BUD13: variants seen among roughly 807,000 people sequenced by gnomAD.
The protein encoded by BUD13 is BUD13 spliceosome associated protein, also known as BUD13 homolog.
BUD13 carries 47 observed loss-of-function variants against 62.5 expected under a neutral mutation model. The ratio of observed to expected loss-of-function variants is 0.75; its 90% confidence interval spans 0.60 to 0.96. BUD13 has a LOEUF of 0.96. BUD13 is among the 40% of genes least tolerant of loss of function. The pLI is 0.00. For synonymous variants in BUD13, 293 were observed against 280.1 expected (o/e 1.05, Z -0.46); for missense variants, 821 against 790.9 (o/e 1.04, Z -0.46).
rs368417075 is a variant in BUD13 at position 116,755,814 on chromosome 11, GAATA to G, written c.1766+1328_1766+1331del. Among the ~76,000 whole-genome samples the G allele has an allele frequency of 1.9e-3, 294 of 151,660 alleles. 1 individual carries two copies. Among genetic ancestry groups the G allele is most frequent in the Middle Eastern group, 3.4e-3 (1 of 292 alleles). On this transcript the variant is annotated intron_variant, in intron 9 of 9. Transcript: ENST00000260210. ...ATAATTAGTTTATTTTTTTTTGAAT[GAATA>G]AATACTTTTTAAATGTCTGAGTTTT...
chr11:116,764,630 T>A (rs1482536997), intron 3 of BUD13, among the ~76,000 whole-genome samples: 1 of 152,148 alleles, frequency 6.6e-6, no homozygotes, highest in African/African-American at 2.4e-5. Context: ...AAGATTCTCT[T>A]TGGAAAAGAA....
At chr11:116,750,506 A>G (rs180332) in intron 9 of BUD13, among the ~76,000 whole-genome samples, 2,151 of 152,244 alleles carry the variant, frequency 0.014, 47 homozygotes, top group African/African-American at 0.048. Flanking sequence ...CTTGTTGCCA[A>G]ATCCAATGAC....
At chr11:116,753,023 G>C (rs1175989227) in intron 9 of BUD13, among the ~76,000 whole-genome samples, 1 of 152,106 alleles carries the variant, frequency 6.6e-6, no homozygotes, top group Non-Finnish European at 1.5e-5. Context: ...AGAGTAACCC[G>C]AACAGACTAA....
Position 116,763,451 on chromosome 11 carries a change from C to A in BUD13, c.323-185G>T, listed in dbSNP as rs559103419. Reference sequence around the variant, plus strand: ...CCACTCATGAATATCTTAAGAATAACCCCTCCGCCTACCAAGTCATAAATT... The same window carrying A: ...CCACTCATGAATATCTTAAGAATAAACCCTCCGCCTACCAAGTCATAAATT... On this transcript the variant is annotated intron_variant, in intron 3 of 9. Coordinates refer to ENST00000260210, the MANE Select transcript of BUD13 (RefSeq NM_032725.4). 4.6e-5 allele frequency among the ~76,000 whole-genome samples: 7 copies of A among 152,308 alleles called. No homozygotes were observed. The East Asian group carries it at 1.4e-3, about 29-fold the overall frequency.
chr11:116,763,021 G>A lies in BUD13; in HGVS notation c.568C>T (p.Pro190Ser), dbSNP rs760162681. The part of the protein sequence containing the change: ...IRHDSSDTSP[P>S]RRARHDSPDP... The stretch of plus-strand genomic sequence containing the variant: ...GGAGAATCATGACGGGCCCTCCTTG[G>A]GGGTGAAGTGTCTGAGGAGTCATGA... The change falls in exon 4 of 10, where the codon CCA becomes TCA. Residue 190 changes from proline to serine, a missense_variant. Physicochemically the swap from Pro to Ser is moderately conservative, Grantham distance 74 (BLOSUM62 -1). Transcript: ENST00000260210. The A allele has an allele frequency of 8.1e-6, 13 of 1,613,426 alleles. No homozygotes were observed. Among genetic ancestry groups the A allele is most frequent in the Non-Finnish European group, 1.1e-5 (13 of 1,179,794 alleles).
At chr11:116,756,683 G>C (rs1478990316) in intron 9 of BUD13, among the ~76,000 whole-genome samples, 1 of 152,202 alleles carries the variant, frequency 6.6e-6, no homozygotes, top group Admixed American at 6.5e-5. Flanking sequence ...GGAAGTTAGA[G>C]TACGTGGGTA....
chr11:116,757,032 G>A, intron 9 of BUD13, 114 bp downstream of exon 9: 5 of 945,418 alleles, frequency 5.3e-6, no homozygotes, highest in South Asian at 3.1e-5. Flanking sequence ...CAAGCAAAGT[G>A]CATATTTTTC....
Position 116,759,095 on chromosome 11 carries a change from G to C in BUD13, c.1339C>G (p.Gln447Glu), listed in dbSNP as rs1013414974. Residue 447 changes from glutamine to glutamate, a missense_variant, in exon 6 of 10, where the codon CAA becomes GAA. Gln to Glu is a conservative substitution (Grantham distance 29). Coordinates refer to ENST00000260210, the MANE Select transcript of BUD13 (RefSeq NM_032725.4). ...REQQELKEQD[Q>E]ETMAFEAEFQ... ...TTACCTTCAAATGCCATGGTTTCTT[G>C]ATCCTGTTCCTTGAGCTCCTGCTGT... 3.1e-6 allele frequency: 5 copies of C among 1,612,722 alleles called. No homozygotes were observed. In the Admixed American group the frequency reaches 5.0e-5, roughly 16 times the overall value.
At chr11:116,752,220 A>G (rs1214806388) in intron 9 of BUD13, among the ~76,000 whole-genome samples, 6 of 152,118 alleles carry the variant, frequency 3.9e-5, no homozygotes, top group Admixed American at 3.9e-4. Flanking sequence ...TGCTGAGATT[A>G]TAGGCATGAG....
chr11:116,763,673 G>A (rs1940479561), intron 3 of BUD13, among the ~76,000 whole-genome samples: 3 of 152,070 alleles, frequency 2.0e-5, no homozygotes, highest in Admixed American at 6.5e-5. Context: ...CCAGTCCAAT[G>A]TTCTTTCTAA....
rs192937272 is a variant in BUD13 at position 116,768,856 on chromosome 11, A to C, written c.237+1273T>G. 8.2e-4 allele frequency among the ~76,000 whole-genome samples: 124 copies of C among 151,784 alleles called. 1 individual carries two copies. Among genetic ancestry groups the C allele is most frequent in the East Asian group, 3.5e-3 (18 of 5,158 alleles). On this transcript the variant is annotated intron_variant, in intron 2 of 9. Coordinates refer to ENST00000260210, the MANE Select transcript of BUD13 (RefSeq NM_032725.4). ...GTCTCTACTAAAAATACAAAAAAAAACACAAAAAATTAGCCGGGCGTGTTG... is the reference window on the plus strand; with the variant it reads ...GTCTCTACTAAAAATACAAAAAAAACCACAAAAAATTAGCCGGGCGTGTTG...
At chr11:116,761,006 T>TA (rs1259084558) in intron 4 of BUD13, 54 bp from the exon 5 acceptor site, 5 of 1,419,714 alleles carry the variant, frequency 3.5e-6, no homozygotes, top group Non-Finnish European at 3.9e-6. Flanking sequence ...GTGAAGAACT[T>TA]ACATGAAATC....
At chr11:116,757,093 T>G (rs1940339307) in intron 9 of BUD13, 53 bp downstream of exon 9, 3 of 1,525,658 alleles carry the variant, frequency 2.0e-6, no homozygotes, top group South Asian at 2.3e-5. Flanking sequence ...AACTTACGAG[T>G]GGTTAGGGAA....
chr11:116,770,983 C>T (rs1230275781), intron 1 of BUD13, among the ~76,000 whole-genome samples: 1 of 151,808 alleles, frequency 6.6e-6, no homozygotes, highest in African/African-American at 2.4e-5. Context: ...TTTGTAGAAA[C>T]AGGGTTTCAC....
rs1940354995 is a variant in BUD13 at position 116,757,762 on chromosome 11, C to T, written c.1684+4G>A. 1 of 1,605,330 alleles carries T rather than the reference C, an allele frequency of 6.2e-7. No individual in the cohort carries two copies. Among genetic ancestry groups the T allele is most frequent in the South Asian group, 1.1e-5 (1 of 88,894 alleles). ...CTCCAGCTGATGATTCCCAGAAGTC[C>T]CACCTTTTTTATTCTTGTTCTCCTT... On this transcript the variant is annotated splice_donor_region_variant and intron_variant, in intron 8 of 9. Transcript: ENST00000260210.
At position 116,770,120 on chromosome 11, in the gene BUD13, G is replaced by A. The variant is rs373117638; in HGVS notation, c.237+9C>T. 7.7e-5 allele frequency: 122 copies of A among 1,579,102 alleles called. No individual in the cohort carries two copies. Among genetic ancestry groups the A allele is most frequent in the Non-Finnish European group, 9.4e-5 (109 of 1,155,676 alleles). Reference sequence around the variant, plus strand: ...ATTTCAAAATCCTGACAGCCCCAAAGATACATACCACAGGCAAATCTCCAT... The same window carrying A: ...ATTTCAAAATCCTGACAGCCCCAAAAATACATACCACAGGCAAATCTCCAT... On this transcript the variant is annotated intron_variant, in intron 2 of 9. Coordinates refer to ENST00000260210, the MANE Select transcript of BUD13 (RefSeq NM_032725.4).
intron 5 of BUD13, among the ~76,000 whole-genome samples, chr11:116,760,050 T>C (rs970469400): frequency 2.6e-5 from 4 of 152,222 alleles, no homozygotes; most frequent in East Asian, 1.9e-4. Flanking sequence ...GGCTAATTCA[T>C]CAAGCCTTAT....
At chr11:116,771,042 G>A (rs1013708758) in intron 1 of BUD13, among the ~76,000 whole-genome samples, 2 of 152,058 alleles carry the variant, frequency 1.3e-5, no homozygotes, top group African/African-American at 2.4e-5. Context: ...CAATCCACCC[G>A]CCTTGGCCTC....
intron 1 of BUD13, among the ~76,000 whole-genome samples, chr11:116,771,382 A>C (rs1940625710): frequency 6.6e-6 from 1 of 152,220 alleles, no homozygotes; most frequent in Non-Finnish European, 1.5e-5. Context: ...GGAATACGAA[A>C]TATTCAATAA....
Sources: gnomAD v4.1 joint callset for allele counts (sites outside exome capture counted in the v4.1 genomes callset) on GRCh38, gnomAD v4.1.1 for gene constraint, MANE v1.5 for transcripts, NCBI Gene and HGNC (gene_info 2026-07-23, HGNC 2026-07-21) for gene names.